Variants in FLT4 observed in about 807,000 individuals in gnomAD.
FLT4 encodes the protein fms related receptor tyrosine kinase 4.
In FLT4, 30 loss-of-function variants were observed where a neutral mutation model predicts 163.2. The observed-to-expected ratio is 0.18, with a 90% CI of 0.14 to 0.25. FLT4 has a LOEUF of 0.25. Among genes scored for constraint, FLT4 ranks in the 10% least tolerant of loss-of-function variants. The pLI is 1.00. For missense variants in FLT4, 1,510 were observed against 1,863.8 expected, an observed-to-expected ratio of 0.81 and a Z score of 3.50; for synonymous variants, 884 against 789.5, an observed-to-expected ratio of 1.12 and a Z score of -2.01.
rs540963025 is a variant in FLT4 at position 180,621,589 on chromosome 5, C to T, written c.1973G>A (p.Arg658Gln). The change falls in exon 13 of 30, where the codon CGG (arginine) becomes CAG (glutamine). Residue 658 changes from arginine to glutamine, a missense_variant. This residue lies in a region of FLT4 where 878 missense variants were observed against 1,016.7 expected (regional missense o/e 0.86). Transcript: ENST00000261937. The stretch of plus-strand genomic sequence containing the variant: ...GTGGCAGTGCTTGTCATGGCTGCGC[C>T]GGTCTTGCACTTCGCACACATAGTG... ...EGHYVCEVQD[R>Q]RSHDKHCHKK... is the part of the protein sequence containing the mutation. 1.4e-5 allele frequency: 23 copies of T among 1,610,742 alleles called. No homozygotes were observed. The East Asian group carries it at 4.2e-4, about 30-fold the overall frequency.
chr5:180,603,397 A>G lies in FLT4; in HGVS notation c.3894-7T>C. The G allele has an allele frequency of 6.2e-7, 1 of 1,613,376 alleles. No homozygotes were observed. Among genetic ancestry groups the G allele is most frequent in the Non-Finnish European group, 8.5e-7 (1 of 1,179,652 alleles). ...CTGGCCAGGTCCTTTACAGCTGCCA[A>G]GACAGGGAAGGTGGTGTTAGTAAGA... On this transcript the variant is annotated splice_region_variant and splice_polypyrimidine_tract_variant and intron_variant, in intron 29 of 29. Coordinates refer to ENST00000261937, the MANE Select transcript of FLT4 (RefSeq NM_182925.5).
At chr5:180,612,408 G>A in intron 26 of FLT4, 98 bp downstream of exon 26, 1 of 867,266 alleles carries the variant, frequency 1.2e-6, no homozygotes, top group East Asian at 2.4e-5. Flanking sequence ...CAGCTGAGAG[G>A]TGGGCAGAGC....
rs112569798 is a variant in FLT4, at chr5:180,636,407, G to A, written c.59-4629C>T. On this transcript the variant is annotated intron_variant, in intron 1 of 29. Transcript: ENST00000261937. The surrounding 1 kb of genome is among the most constrained non-coding windows in gnomAD (Gnocchi z 4.3). ...TCCACCCCACATGCCTGAACTCCTCGCAGCCACCTGCCCTCCCTACAGCAG... is the reference window on the plus strand; with the variant it reads ...TCCACCCCACATGCCTGAACTCCTCACAGCCACCTGCCCTCCCTACAGCAG... Among the ~76,000 whole-genome samples, 182 of 152,026 alleles carry A rather than the reference G, an allele frequency of 1.2e-3. No individual in the cohort carries two copies. The highest frequency in any genetic ancestry group is 6.8e-3 in the Middle Eastern group (2 of 294).
chr5:180,624,078 AGGCAAG>A lies in FLT4; in HGVS notation c.1422-23_1422-18del. On this transcript the variant is annotated intron_variant, in intron 10 of 29. Transcript: ENST00000261937. Reference sequence around the variant, plus strand: ...CGCCGCCGGCTGCCAGGACCAGAAGAGGCAAGGGCAGGTCAGGGATACAGGCAGGAA... The same window carrying A: ...CGCCGCCGGCTGCCAGGACCAGAAGAGGCAGGTCAGGGATACAGGCAGGAA... 6.2e-7 allele frequency: 1 copy of A among 1,609,848 alleles called. No individual in the cohort carries two copies. Among genetic ancestry groups the A allele is most frequent in the South Asian group, 1.1e-5 (1 of 91,074 alleles).
chr5:180,630,477 A>C lies in FLT4; in HGVS notation c.400+78T>G. On this transcript the variant is annotated intron_variant, in intron 3 of 29. Coordinates refer to ENST00000261937, the MANE Select transcript of FLT4 (RefSeq NM_182925.5). The surrounding 1 kb of genome is among the most constrained non-coding windows in gnomAD (Gnocchi z 6.3). The stretch of plus-strand genomic sequence containing the variant: ...CCCCGTTCTCTCCTCCTGCCAGCCC[A>C]GGGTCCACAGGCTGGGGGCGGTGTG... 6.3e-7 allele frequency: 1 copy of C among 1,595,988 alleles called. No homozygotes were observed. Among genetic ancestry groups the C allele is most frequent in the Non-Finnish European group, 8.5e-7 (1 of 1,170,252 alleles).
At chr5:180,619,891 G>A in intron 17 of FLT4, 122 bp from the exon 18 acceptor site, 2 of 757,578 alleles carry the variant, frequency 2.6e-6, no homozygotes, top group Non-Finnish European at 4.5e-6. Context: ...AGGAGCGTGG[G>A]GAGCCACAGC....
intron 8 of FLT4, 115 bp downstream of exon 8, chr5:180,628,767 G>A (rs905491523): frequency 2.7e-6 from 2 of 742,326 alleles, no homozygotes; most frequent in Non-Finnish European, 4.6e-6. Context: ...CGCCATGCCT[G>A]GTCTCCGTGT....
chr5:180,607,502 G>T (rs887556219), intron 29 of FLT4, among the ~76,000 whole-genome samples: 1 of 151,952 alleles, frequency 6.6e-6, no homozygotes, highest in Non-Finnish European at 1.5e-5. Flanking sequence ...TTAGCCGGGC[G>T]TGGTGGCGGG....
chr5:180,640,731 C>T (rs572563514), intron 1 of FLT4, among the ~76,000 whole-genome samples: 246 of 152,292 alleles, frequency 1.6e-3, no homozygotes, highest in African/African-American at 5.7e-3. Flanking sequence ...GGAGTCGGCC[C>T]CTCCCTCGGC....
Position 180,630,199 on chromosome 5 carries a change from A to G in FLT4, c.513+26T>C, listed in dbSNP as rs2127836672. The G allele has an allele frequency of 6.3e-7, 1 of 1,594,346 alleles. No homozygotes were observed. Among genetic ancestry groups the G allele is most frequent in the South Asian group, 1.1e-5 (1 of 90,694 alleles). On this transcript the variant is annotated intron_variant, in intron 4 of 29. Coordinates refer to ENST00000261937, the MANE Select transcript of FLT4 (RefSeq NM_182925.5). This position sits in a 1 kb window ranked among gnomAD's most constrained non-coding sequence, Gnocchi z 6.3. ...CCCAGGGGTGGGATGGGAGGGTCGG[A>G]TGCTGGGGTTGGGGTGGGGCCGTAC...
At position 180,610,100 on chromosome 5, in the gene FLT4, T is replaced by C. The variant is rs1342818997; in HGVS notation, c.3687-75A>G. ...CTCGAACTTCTCTCCACTGTCCCTG[T>C]GCCCCCTCTTCTCCTGGAAAGGACC... On this transcript the variant is annotated intron_variant, in intron 27 of 29. Transcript: ENST00000261937. 5 of 1,604,218 alleles carry C rather than the reference T, an allele frequency of 3.1e-6. No homozygotes were observed. In the East Asian group the frequency reaches 1.1e-4, roughly 36 times the overall value.
rs1762206807 is a variant in FLT4 at position 180,611,607 on chromosome 5, CA to C, written c.3538-129del. ...CGCCCTCAGCCCTCGCCCCCGCACT[CA>C]GCTCTCGCCCCCGCCCTCGCCCTGC... On this transcript the variant is annotated intron_variant, in intron 26 of 29. Coordinates refer to ENST00000261937, the MANE Select transcript of FLT4 (RefSeq NM_182925.5). 3 of 997,078 alleles carry C rather than the reference CA, an allele frequency of 3.0e-6. No individual in the cohort carries two copies. In the African/African-American group the frequency reaches 5.0e-5, roughly 16 times the overall value. 61.8% of individuals were successfully genotyped at this position (997,078 alleles called of 1,614,324 possible). A position where few individuals can be genotyped will look rare whatever the true frequency, so the allele number is the denominator to read the frequency against.
At chr5:180,632,812 C>T (rs1346900159) in intron 1 of FLT4, among the ~76,000 whole-genome samples, 9 of 152,074 alleles carry the variant, frequency 5.9e-5, no homozygotes, top group Non-Finnish European at 1.0e-4. Context: ...GGTGGGATCC[C>T]GGTGTGGGTG....
chr5:180,631,532 C>T (rs1764160194), intron 2 of FLT4, 150 bp downstream of exon 2: 10 of 699,682 alleles, frequency 1.4e-5, no homozygotes, highest in South Asian at 1.3e-4. Context: ...GGACCGAAGT[C>T]ACCCACAGCC....
rs1764679004 is a variant in FLT4 at position 180,636,134 on chromosome 5, G to A, written c.59-4356C>T. Reference sequence around the variant, plus strand: ...AAGGAAGCACCTGCATCACTGCTGAGCAGGACCATCCATCGCGCTTGCCAA... The same window carrying A: ...AAGGAAGCACCTGCATCACTGCTGAACAGGACCATCCATCGCGCTTGCCAA... On this transcript the variant is annotated intron_variant, in intron 1 of 29. Coordinates refer to ENST00000261937, the MANE Select transcript of FLT4 (RefSeq NM_182925.5). This position sits in a 1 kb window ranked among gnomAD's most constrained non-coding sequence, Gnocchi z 4.3. Among the ~76,000 whole-genome samples, 1 of 152,030 alleles carries A rather than the reference G, an allele frequency of 6.6e-6. No homozygotes were observed. Among genetic ancestry groups the A allele is most frequent in the African/African-American group, 2.4e-5 (1 of 41,358 alleles).
intron 8 of FLT4, among the ~76,000 whole-genome samples, chr5:180,628,544 G>GCTGCAGGGCAGGCCCTGGAGATT (rs1763826917): frequency 6.6e-6 from 1 of 152,384 alleles, no homozygotes; most frequent in East Asian, 1.9e-4. Context: ...CTAAGCCATT[G>GCTGCAGGGCAGGCCCTGGAGATT]CTGCAGGGCA....
chr5:180,605,307 G>T (rs1761730541), intron 29 of FLT4, among the ~76,000 whole-genome samples: 1 of 152,152 alleles, frequency 6.6e-6, no homozygotes, highest in Non-Finnish European at 1.5e-5. Flanking sequence ...TTAGTCTGCT[G>T]TCAGTTGTAT....
At chr5:180,626,588 C>T (rs1763636335) in intron 8 of FLT4, among the ~76,000 whole-genome samples, 1 of 152,214 alleles carries the variant, frequency 6.6e-6, no homozygotes, top group African/African-American at 2.4e-5. Flanking sequence ...GGGCAGCCGC[C>T]TTCTCTCCCT....
In FLT4 at chr5:180,626,038, G is replaced by A. The variant is rs769415116; in HGVS notation, c.1259-7C>T. The A allele has an allele frequency of 1.2e-6, 2 of 1,612,666 alleles. No homozygotes were observed. Among genetic ancestry groups the A allele is most frequent in the South Asian group, 1.1e-5 (1 of 91,082 alleles). On this transcript the variant is annotated splice_region_variant and splice_polypyrimidine_tract_variant and intron_variant, in intron 9 of 29. Transcript: ENST00000261937. ...TCATGTATCTGGGGGGGCACTGTGG[G>A]CACACAGATGGCCGGTCAGCTGGCC...
Sources: allele counts gnomAD v4.1 joint callset (sites outside exome capture counted in the v4.1 genomes callset), GRCh38; gene constraint gnomAD v4.1.1; regional missense constraint gnomAD v4.1.1; non-coding constraint Gnocchi (gnomAD v3.1); transcripts MANE v1.5; gene names NCBI Gene and HGNC (gene_info 2026-07-23, HGNC 2026-07-21).